The following PAK3 variants were observed in gnomAD, a reference collection of about 807,000 sequenced individuals.
PAK3 encodes the protein serine/threonine-protein kinase PAK 3.
In PAK3, 4 loss-of-function variants were observed where a neutral mutation model predicts 41.0. That is an observed-to-expected ratio of 0.10 (90% CI 0.05 to 0.22). The LOEUF (loss-of-function observed/expected upper bound fraction) is 0.22, where lower values mean the gene tolerates loss of function less well. Among genes scored for constraint, PAK3 ranks in the 10% least tolerant of loss-of-function variants. The probability of loss-of-function intolerance (pLI) is 1.00; values close to 1 mark genes in which losing one functional copy is unlikely to be tolerated. For missense variants in PAK3, 205 were observed against 409.9 expected (o/e 0.50, Z 4.32); for synonymous variants, 146 against 139.6 (o/e 1.05, Z -0.32).
intron 12 of PAK3, 93 bp from the exon 13 acceptor site, chrX:111,192,413 A>G: frequency 1.7e-6 from 1 of 575,712 alleles, no homozygotes; most frequent in East Asian, 3.5e-5. Context: ...TAAATAAAGA[A>G]TGTGTATGTT....
intron 6 of PAK3, 73 bp downstream of exon 6, chrX:111,142,269 T>C: frequency 1.6e-6 from 1 of 636,568 alleles, no homozygotes; most frequent in Non-Finnish European, 2.7e-6. Context: ...CAAGCAAGAA[T>C]TGCCATGTCC....
intron 1 of PAK3, among the ~76,000 whole-genome samples, chrX:111,083,563 CTTT>C (rs767938228): frequency 8.9e-6 from 1 of 112,437 alleles, no homozygotes; most frequent in African/African-American, 3.2e-5. Flanking sequence ...TTAACCTCTT[CTTT>C]AAGTGGAACA....
intron 1 of PAK3, among the ~76,000 whole-genome samples, chrX:111,034,621 T>TCTGCATCCTGTCTGAGGTG (rs1271517165): frequency 9.9e-5 from 11 of 111,517 alleles, no homozygotes; most frequent in Admixed American, 9.5e-5. Flanking sequence ...CATGACAACA[T>TCTGCATCCTGTCTGAGGTG]CTGCATCCTG....
Position 110,997,486 on chromosome X carries a change from G to A in PAK3, c.-28+52858G>A, listed in dbSNP as rs564504032. Among the ~76,000 whole-genome samples the A allele has an allele frequency of 1.7e-4, 19 of 111,362 alleles. No homozygotes were observed. The South Asian group carries it at 6.5e-3, about 38-fold the overall frequency. On this transcript the variant is annotated intron_variant, in intron 1 of 14. Coordinates refer to the PAK3 transcript ENST00000425146. ...AATAAGAAATGGACACAAACTGTAT[G>A]TGTTTTGAGAGATAGAGTATTTAGG...
chrX:111,123,134 C>A lies in PAK3; in HGVS notation c.31C>A (p.Pro11Thr), dbSNP rs1464727079. 1.7e-6 allele frequency: 2 copies of A among 1,203,736 alleles called. No homozygotes were observed. Among genetic ancestry groups the A allele is most frequent in the Non-Finnish European group, 2.2e-6 (2 of 889,902 alleles). Residue 11 changes from proline to threonine, a missense_variant, in exon 5 of 18, where the codon CCC becomes ACC. By Grantham distance (38) the Pro-to-Thr change is conservative (BLOSUM62 -1). Transcript: ENST00000372007. The stretch of plus-strand genomic sequence containing the variant: ...TGACGGTCTGGATAATGAAGAGAAA[C>A]CCCCGGCTCCTCCACTGAGGATGAA... MSDGLDNEEKPPAPPLRMNSN... is the reference protein window; with the variant it reads MSDGLDNEEKTPAPPLRMNSN...
intron 1 of PAK3, among the ~76,000 whole-genome samples, chrX:111,086,138 A>C (rs1359290059): frequency 9.2e-6 from 1 of 108,935 alleles, no homozygotes; most frequent in African/African-American, 3.4e-5. Flanking sequence ...GGGGGTGGGC[A>C]CTTTTTTCAA....
intron 1 of PAK3, among the ~76,000 whole-genome samples, chrX:110,977,967 T>C (rs2091370403): frequency 8.9e-6 from 1 of 112,333 alleles, no homozygotes; most frequent in South Asian, 3.7e-4. Context: ...TTCCTAATCT[T>C]AGGGGGAAAT....
chrX:111,072,381 T>C (rs1194948087), intron 1 of PAK3, among the ~76,000 whole-genome samples: 1 of 112,868 alleles, frequency 8.9e-6, no homozygotes, highest in Admixed American at 9.4e-5. Context: ...CAACAAAGCA[T>C]ATGAATAGTT....
intron 5 of PAK3, among the ~76,000 whole-genome samples, chrX:111,140,089 A>G (rs749191632): frequency 3.6e-5 from 4 of 111,546 alleles, no homozygotes; most frequent in African/African-American, 6.5e-5. Flanking sequence ...TTGTAATTTT[A>G]TAATGTCTTT....
intron 1 of PAK3, among the ~76,000 whole-genome samples, chrX:110,947,633 T>C (rs1242660769): frequency 8.9e-6 from 1 of 111,974 alleles, no homozygotes; most frequent in Non-Finnish European, 1.9e-5. Flanking sequence ...TAAAAGTCTT[T>C]ACTAGGCTAA....
intron 1 of PAK3, among the ~76,000 whole-genome samples, chrX:110,956,373 G>A (rs1361221070): frequency 9.0e-6 from 1 of 111,719 alleles, no homozygotes; most frequent in Non-Finnish European, 1.9e-5. Flanking sequence ...GCCATCCTCA[G>A]AGGACTTGTG....
At chrX:111,033,091 C>A (rs2092357735) in intron 1 of PAK3, among the ~76,000 whole-genome samples, 1 of 111,256 alleles carries the variant, frequency 9.0e-6, no homozygotes, top group Non-Finnish European at 1.9e-5. Flanking sequence ...GAAAGAGAGC[C>A]TGGTAGAGCT....
intron 1 of PAK3, among the ~76,000 whole-genome samples, chrX:110,975,678 C>A (rs1489686573): frequency 8.9e-6 from 1 of 111,755 alleles, no homozygotes; most frequent in Non-Finnish European, 1.9e-5. Context: ...AAGAACCAAG[C>A]TGGAGGCATC....
chrX:111,177,301 C>G (rs2094416685), intron 11 of PAK3, among the ~76,000 whole-genome samples: 1 of 111,996 alleles, frequency 8.9e-6, no homozygotes, highest in Non-Finnish European at 1.9e-5. Context: ...CCTTCATTTA[C>G]TTGGAAAACT....
intron 16 of PAK3, among the ~76,000 whole-genome samples, chrX:111,203,398 T>C (rs1415520933): frequency 8.9e-6 from 1 of 111,816 alleles, no homozygotes; most frequent in Non-Finnish European, 1.9e-5. Flanking sequence ...ATTTTGCTTC[T>C]TCTGAAAATG....
At chrX:111,097,891 A>G (rs745375620) in intron 3 of PAK3, among the ~76,000 whole-genome samples, 1 of 111,298 alleles carries the variant, frequency 9.0e-6, no homozygotes, top group African/African-American at 3.3e-5. Flanking sequence ...CCATGCAAGA[A>G]GCAAAATGGG....
chrX:111,058,613 A>G lies in PAK3; in HGVS notation c.-27-64464A>G, dbSNP rs752186792. ...TTACGATTTACAAATATTTTCTTCC[A>G]TTCTGTGGGTTGTCTTTTCATTTCT... On this transcript the variant is annotated intron_variant, in intron 1 of 14. Transcript: ENST00000425146. 8.1e-5 allele frequency among the ~76,000 whole-genome samples: 9 copies of G among 111,549 alleles called. No homozygotes were observed. In the South Asian group the frequency reaches 3.4e-3, roughly 42 times the overall value.
rs770744664 is a variant in PAK3, at chrX:111,125,759, A to G, written c.175+2481A>G. 2.1e-3 allele frequency among the ~76,000 whole-genome samples: 231 copies of G among 111,755 alleles called. 1 individual carries two copies. The highest frequency in any genetic ancestry group is 3.1e-3 in the Non-Finnish European group (167 of 53,029). ...CCTTCTGACAAAGTTTGATTTAATT[A>G]GACTCTAATAAAAGGTCCTATGAGA... On this transcript the variant is annotated intron_variant, in intron 5 of 17. Transcript: ENST00000372007.
In PAK3 at chrX:111,147,888, G is replaced by A. The variant is rs1229316649; in HGVS notation, c.428G>A (p.Gly143Glu). 8.4e-7 allele frequency: 1 copy of A among 1,190,272 alleles called. No homozygotes were observed. The highest frequency in any genetic ancestry group is 1.8e-5 in the South Asian group (1 of 56,430). The change falls in exon 7 of 18, where the codon GGA becomes GAA. Residue 143 changes from glycine (G) to glutamate (E), a missense_variant and splice_region_variant. Physicochemically the swap from Gly to Glu is moderately conservative, Grantham distance 98. This residue lies in a region of PAK3 where 22 missense variants were observed against 83.5 expected (regional missense o/e 0.26). Transcript: ENST00000372007. ...CAGAAATACATGAGCTTTACATCAG[G>A]AGGTAAGAGGAAGTCTGTGGTATCA... Reference protein sequence around the residue: ...NNQKYMSFTSGDKSAHGYIAA... With the variant: ...NNQKYMSFTSEDKSAHGYIAA...
Sources: gnomAD v4.1 joint callset for allele counts (sites outside exome capture counted in the v4.1 genomes callset) on GRCh38, gnomAD v4.1.1 for gene constraint, gnomAD v4.1.1 regional missense constraint, MANE v1.5 for transcripts, NCBI Gene and HGNC (gene_info 2026-07-23, HGNC 2026-07-21) for gene names.